FSHR: variants seen among roughly 807,000 people sequenced by gnomAD.
FSHR encodes the protein follicle stimulating hormone receptor, also known as follicle-stimulating hormone receptor.
A neutral mutation model predicts 52.1 loss-of-function variants in FSHR; 46 were observed. That is an observed-to-expected ratio of 0.88 (90% CI 0.70 to 1.13). The LOEUF is 1.13. Among genes scored for constraint, FSHR ranks in the 50% most tolerant of loss-of-function variants. FSHR has a pLI of 0.00. For missense variants in FSHR, 964 were observed against 834.6 expected (o/e 1.16, Z -1.91); for synonymous variants, 399 against 309.6 (o/e 1.29, Z -3.03).
At chr2:48,974,530 A>G (rs1429527842) in intron 8 of FSHR, among the ~76,000 whole-genome samples, 1 of 152,210 alleles carries the variant, frequency 6.6e-6, no homozygotes, top group Non-Finnish European at 1.5e-5. Context: ...AGCTCTTGGT[A>G]AGAAAGAGGC....
intron 1 of FSHR, among the ~76,000 whole-genome samples, chr2:49,145,376 T>A (rs1049251321): frequency 6.6e-6 from 1 of 152,124 alleles, no homozygotes; most frequent in Non-Finnish European, 1.5e-5. Flanking sequence ...GCCCTTCTTA[T>A]AAAATAAAAC....
intron 1 of FSHR, among the ~76,000 whole-genome samples, chr2:49,135,010 A>T (rs1282371595): frequency 1.3e-5 from 2 of 152,184 alleles, no homozygotes; most frequent in Non-Finnish European, 2.9e-5. Context: ...GCACATGTAT[A>T]CATATGTAAC....
At chr2:49,151,190 G>A (rs1372833751) in intron 1 of FSHR, among the ~76,000 whole-genome samples, 1 of 133,766 alleles carries the variant, frequency 7.5e-6, no homozygotes, top group Non-Finnish European at 1.6e-5. Flanking sequence ...GTCAGATGAT[G>A]TTCATTTCAC....
intron 4 of FSHR, among the ~76,000 whole-genome samples, chr2:49,011,282 A>T (rs536338184): frequency 1.3e-5 from 2 of 152,082 alleles, no homozygotes; most frequent in South Asian, 4.2e-4. Flanking sequence ...TCATTTCATT[A>T]TGTACCCACT....
chr2:48,964,566 A>G (rs1213812052), intron 9 of FSHR, among the ~76,000 whole-genome samples: 1 of 151,942 alleles, frequency 6.6e-6, no homozygotes, highest in African/African-American at 2.4e-5. Context: ...TTATTATCTC[A>G]CTTTCTGGGG....
At chr2:49,128,113 C>G (rs1006360523) in intron 1 of FSHR, among the ~76,000 whole-genome samples, 42 of 151,742 alleles carry the variant, frequency 2.8e-4, no homozygotes, top group African/African-American at 7.7e-4. Flanking sequence ...AACTCCTGAT[C>G]TGAAGTGATC....
chr2:49,064,007 TAAA>T (rs553145303), intron 2 of FSHR, among the ~76,000 whole-genome samples: 97 of 150,360 alleles, frequency 6.5e-4, no homozygotes, highest in African/African-American at 1.7e-3. Flanking sequence ...TAAAAAATAA[TAAA>T]AAAGAAAAAA....
chr2:49,003,034 A>C (rs987539171), intron 4 of FSHR, among the ~76,000 whole-genome samples: 1 of 152,066 alleles, frequency 6.6e-6, no homozygotes, highest in Non-Finnish European at 1.5e-5. Context: ...TTGAATTCCA[A>C]ATGGGTGAGG....
chr2:48,963,758 G>A lies in FSHR; in HGVS notation c.1063C>T (p.Pro355Ser). The A allele has an allele frequency of 6.2e-7, 1 of 1,614,088 alleles. No individual in the cohort carries two copies. The highest frequency in any genetic ancestry group is 1.3e-5 in the African/African-American group (1 of 75,024). The change falls in exon 10 of 10, where the codon CCA (proline) becomes TCA (serine). Residue 355 changes from proline (P) to serine (S), a missense_variant. By Grantham distance (74) the Pro-to-Ser change is moderately conservative. Transcript: ENST00000406846. The part of the protein sequence containing the change: ...TCSPKPDAFN[P>S]CEDIMGYNIL... ...TTGTACCCCATGATATCTTCACATG[G>A]GTTGAATGCATCTGGCTTAGGGGAG...
intron 1 of FSHR, among the ~76,000 whole-genome samples, chr2:49,139,658 C>A (rs527570258): frequency 1.3e-5 from 2 of 149,182 alleles, no homozygotes; most frequent in African/African-American, 5.0e-5. Context: ...AGTGCAGTGG[C>A]ATGATCACGG....
chr2:49,082,605 T>G (rs1295723353), intron 1 of FSHR, among the ~76,000 whole-genome samples: 1 of 151,300 alleles, frequency 6.6e-6, no homozygotes, highest in Non-Finnish European at 1.5e-5. Context: ...TGAAAAAAAT[T>G]TAGAAGAATG....
chr2:49,046,308 G>T (rs1429427119), intron 2 of FSHR, among the ~76,000 whole-genome samples: 1 of 152,152 alleles, frequency 6.6e-6, no homozygotes, highest in African/African-American at 2.4e-5. Flanking sequence ...GGTTATCATT[G>T]TCCTACATCT....
intron 4 of FSHR, among the ~76,000 whole-genome samples, chr2:49,013,463 AATAT>A (rs373195880): frequency 0.018 from 2,406 of 133,196 alleles, 61 homozygotes; most frequent in African/African-American, 0.057. Flanking sequence ...TATATATATA[AATAT>A]ATATATATAT....
intron 2 of FSHR, among the ~76,000 whole-genome samples, chr2:49,061,898 T>C (rs996275277): frequency 3.4e-5 from 5 of 148,502 alleles, no homozygotes; most frequent in Non-Finnish European, 7.4e-5. Context: ...CCTGGAGCAC[T>C]CAGATGCATA....
chr2:49,108,002 C>G (rs1042403056), intron 1 of FSHR, among the ~76,000 whole-genome samples: 2 of 152,106 alleles, frequency 1.3e-5, no homozygotes, highest in African/African-American at 4.8e-5. Context: ...CTGGGTGTTT[C>G]TGTGAGGATG....
At chr2:49,122,416 T>C (rs1671850846) in intron 1 of FSHR, among the ~76,000 whole-genome samples, 1 of 152,244 alleles carries the variant, frequency 6.6e-6, no homozygotes, top group African/African-American at 2.4e-5. Context: ...CCATGGTTAC[T>C]ACAGTCGGGG....
intron 8 of FSHR, among the ~76,000 whole-genome samples, chr2:48,974,733 G>T (rs1674904982): frequency 7.7e-6 from 1 of 129,642 alleles, no homozygotes; most frequent in Non-Finnish European, 1.6e-5. Flanking sequence ...CATGGATTAA[G>T]AAAATTCCAT....
At chr2:49,024,855 G>A (rs1468213483) in intron 2 of FSHR, among the ~76,000 whole-genome samples, 1 of 152,158 alleles carries the variant, frequency 6.6e-6, no homozygotes, top group Non-Finnish European at 1.5e-5. Flanking sequence ...TCAGTTGACT[G>A]TTTTCCTTCC....
At position 49,046,938 on chromosome 2, in the gene FSHR, A is replaced by C. The variant is rs1266962015; in HGVS notation, c.224+21281T>G. On this transcript the variant is annotated intron_variant, in intron 2 of 9. Transcript: ENST00000406846. The stretch of plus-strand genomic sequence containing the variant: ...AGACATACAGGGACTGATGGAAGTC[A>C]CAGTCTTTTACTCTGTGAACCTTGA... 3.3e-5 allele frequency among the ~76,000 whole-genome samples: 5 copies of C among 152,314 alleles called. No homozygotes were observed. The East Asian group carries it at 9.6e-4, about 29-fold the overall frequency.
Sources: allele counts gnomAD v4.1 joint callset (sites outside exome capture counted in the v4.1 genomes callset), GRCh38; gene constraint gnomAD v4.1.1; transcripts MANE v1.5; gene names NCBI Gene and HGNC (gene_info 2026-07-23, HGNC 2026-07-21).